ABHD2: variants seen among roughly 807,000 people sequenced by gnomAD.
ABHD2 encodes monoacylglycerol lipase ABHD2.
A neutral mutation model predicts 48.1 loss-of-function variants in ABHD2; 20 were observed. The ratio of observed to expected loss-of-function variants is 0.42; its 90% confidence interval spans 0.29 to 0.60. ABHD2 has a LOEUF of 0.60. Ranked by LOEUF, ABHD2 falls within the 20% of genes least tolerant of loss-of-function variation. The pLI, the probability that ABHD2 is intolerant of heterozygous loss-of-function variation, is 0.24. For synonymous variants in ABHD2, 209 were observed against 214.2 expected (o/e 0.98, Z 0.21); for missense variants, 405 against 550.9 (o/e 0.74, Z 2.65).
In ABHD2 at chr15:89,120,341, C is replaced by G. The variant is rs1258602127; in HGVS notation, c.194+3820C>G. 6.6e-6 allele frequency among the ~76,000 whole-genome samples: 1 copy of G among 152,154 alleles called. No homozygotes were observed. Among genetic ancestry groups the G allele is most frequent in the African/African-American group, 2.4e-5 (1 of 41,434 alleles). On this transcript the variant is annotated intron_variant, in intron 3 of 10. Transcript: ENST00000352732. The surrounding 1 kb of genome is among the most constrained non-coding windows in gnomAD (Gnocchi z 4.2). The stretch of plus-strand genomic sequence containing the variant: ...AAGTGTTTACTTTTAGTGAAACAAG[C>G]AGACGCCCAGTTCGGAATTATGACA...
Position 89,088,956 on chromosome 15 carries a change from C to G in ABHD2, c.-107+393C>G, listed in dbSNP as rs977363049. Reference sequence around the variant, plus strand: ...ACCTGGAAGGAGAGGGCCGAGGGGCCTGATTACAGCCCGAGATACCCGAGA... The same window carrying G: ...ACCTGGAAGGAGAGGGCCGAGGGGCGTGATTACAGCCCGAGATACCCGAGA... On this transcript the variant is annotated intron_variant, in intron 1 of 10. Coordinates refer to ENST00000352732, the MANE Select transcript of ABHD2 (RefSeq NM_152924.5). The surrounding 1 kb of genome is among the most constrained non-coding windows in gnomAD (Gnocchi z 6.8). Among the ~76,000 whole-genome samples the G allele has an allele frequency of 6.6e-6, 1 of 152,228 alleles. No homozygotes were observed. Among genetic ancestry groups the G allele is most frequent in the Admixed American group, 6.5e-5 (1 of 15,292 alleles).
chr15:89,115,370 ATG>A lies in ABHD2; in HGVS notation c.-6-892_-6-891del, dbSNP rs1164718189. Among the ~76,000 whole-genome samples, 827 of 100,558 alleles carry A rather than the reference ATG, an allele frequency of 8.2e-3. 5 individuals are homozygous for A. The highest frequency in any genetic ancestry group is 0.02 in the African/African-American group (487 of 24,128). The allele number at this position is 100,558 out of a possible 152,430, so 66.0% of individuals were successfully genotyped here. A position where few individuals can be genotyped will look rare whatever the true frequency, so the allele number is the denominator to read the frequency against. On this transcript the variant is annotated intron_variant, in intron 2 of 10. Coordinates refer to ENST00000352732, the MANE Select transcript of ABHD2 (RefSeq NM_152924.5). ...TGTTTGGTTTTATATGTTTGGAGGT[ATG>A]TGTGTGTGTGTGTGTGTGTGTGTGT... is the stretch of plus-strand genomic sequence containing the variant.
At chr15:89,119,930 C>T (rs2050021340) in intron 3 of ABHD2, among the ~76,000 whole-genome samples, 1 of 152,202 alleles carries the variant, frequency 6.6e-6, no homozygotes, top group South Asian at 2.1e-4. Flanking sequence ...AGCCTGTCTG[C>T]AGCCTTCACA....
rs2051116955 is a variant in ABHD2, at chr15:89,181,621, ATTC to A, written c.723-3800_723-3798del. ...AAGACCACAGGAAAGCTGTTTCACT[ATTC>A]TTATAGTCTCTCAGCACTCTGAGAC... On this transcript the variant is annotated intron_variant, in intron 6 of 10. Transcript: ENST00000352732. 2.0e-5 allele frequency among the ~76,000 whole-genome samples: 3 copies of A among 152,300 alleles called. No individual in the cohort carries two copies. The South Asian group carries it at 6.2e-4, about 32-fold the overall frequency.
chr15:89,074,517 A>G, the ABHD2 span, among the ~76,000 whole-genome samples: 1 of 152,214 alleles, frequency 6.6e-6, no homozygotes, highest in Non-Finnish European at 1.5e-5. Context: ...CTAATGTGTC[A>G]CCAGGTGGAA....
At chr15:89,041,179 G>A in the ABHD2 span, 1 of 152,254 alleles carries the variant, frequency 6.6e-6, no homozygotes, top group African/African-American at 2.4e-5. Flanking sequence ...CCAGTGACGT[G>A]AGTGTGCCAT....
chr15:89,158,034 T>C (rs2050702516), intron 5 of ABHD2, among the ~76,000 whole-genome samples: 1 of 151,894 alleles, frequency 6.6e-6, no homozygotes, highest in South Asian at 2.1e-4. Context: ...TCTATACAAG[T>C]AGAAGATGGG....
intron 6 of ABHD2, among the ~76,000 whole-genome samples, chr15:89,178,064 T>C (rs918352430): frequency 6.6e-6 from 1 of 152,234 alleles, no homozygotes. Context: ...AGCCTCTTCC[T>C]TGAGACCTCA....
At chr15:89,056,285 C>A in the ABHD2 span, among the ~76,000 whole-genome samples, 1 of 152,176 alleles carries the variant, frequency 6.6e-6, no homozygotes, top group Non-Finnish European at 1.5e-5. Context: ...ATATTGCTCA[C>A]CTCAGGAGAT....
In ABHD2 at chr15:89,201,676, A is replaced by C; in HGVS notation, c.*6253A>C. ...ACTTTGAAACACACTTTTCTATCCG[A>C]TGGATTTCGCAATTTAAGATTTGTA... On this transcript the variant is annotated 3_prime_UTR_variant, in exon 11 of 11. Transcript: ENST00000352732. 1 of 1,608,576 alleles carries C rather than the reference A, an allele frequency of 6.2e-7. No individual in the cohort carries two copies. Among genetic ancestry groups the C allele is most frequent in the Non-Finnish European group, 8.5e-7 (1 of 1,174,946 alleles).
chr15:89,172,275 A>C (rs1330375145), intron 5 of ABHD2, among the ~76,000 whole-genome samples: 1 of 152,202 alleles, frequency 6.6e-6, no homozygotes, highest in African/African-American at 2.4e-5. Context: ...AACTATACCC[A>C]TTAAACAACA....
At position 89,164,946 on chromosome 15, in the gene ABHD2, T is replaced by C. The variant is rs1325499627; in HGVS notation, c.538+9412T>C. On this transcript the variant is annotated intron_variant, in intron 5 of 10. Transcript: ENST00000352732. This position sits in a 1 kb window ranked among gnomAD's most constrained non-coding sequence, Gnocchi z 5.0. ...CATTTACTTGAACTGTTAAATGACC[T>C]TACCTCTGCATCCAGTTCATACAGT... 6.6e-6 allele frequency among the ~76,000 whole-genome samples: 1 copy of C among 152,250 alleles called. No individual in the cohort carries two copies. Among genetic ancestry groups the C allele is most frequent in the African/African-American group, 2.4e-5 (1 of 41,474 alleles).
rs888086247 is a variant in ABHD2, at chr15:89,100,427, A to G, written c.-107+11864A>G. On this transcript the variant is annotated intron_variant, in intron 1 of 10. Coordinates refer to ENST00000352732, the MANE Select transcript of ABHD2 (RefSeq NM_152924.5). The surrounding 1 kb of genome is among the most constrained non-coding windows in gnomAD (Gnocchi z 4.4). ...GCCCGAAGCCACACAACTAGTAAGTAGTGTAGCTGCAGTTCAGGTCAAATC... is the reference window on the plus strand; with the variant it reads ...GCCCGAAGCCACACAACTAGTAAGTGGTGTAGCTGCAGTTCAGGTCAAATC... 2.8e-4 allele frequency among the ~76,000 whole-genome samples: 43 copies of G among 152,136 alleles called. 1 individual carries two copies. Among genetic ancestry groups the G allele is most frequent in the Non-Finnish European group, 4.4e-5 (3 of 68,030 alleles).
At chr15:89,150,955 A>G (rs777598945) in intron 3 of ABHD2, among the ~76,000 whole-genome samples, 15 of 152,194 alleles carry the variant, frequency 9.9e-5, no homozygotes, top group Admixed American at 1.3e-4. Flanking sequence ...CTGGTAATTA[A>G]CTATTTGTGA....
the ABHD2 span, among the ~76,000 whole-genome samples, chr15:89,072,407 C>A: frequency 6.6e-6 from 1 of 151,696 alleles, no homozygotes; most frequent in East Asian, 1.9e-4. Flanking sequence ...ACCCAGGAGG[C>A]AGAAGTTGCA....
intron 3 of ABHD2, among the ~76,000 whole-genome samples, chr15:89,148,989 A>G (rs1330064580): frequency 6.6e-6 from 1 of 152,178 alleles, no homozygotes; most frequent in East Asian, 1.9e-4. Context: ...GTCTGTGGAT[A>G]AGTTATATAA....
intron 1 of ABHD2, among the ~76,000 whole-genome samples, chr15:89,111,431 G>A (rs1489737525): frequency 2.6e-5 from 4 of 152,180 alleles, no homozygotes; most frequent in Admixed American, 2.6e-4. Flanking sequence ...CCTGAGATAG[G>A]CAGTCTAGAT....
the ABHD2 span, among the ~76,000 whole-genome samples, chr15:89,042,086 T>C: frequency 1.3e-5 from 2 of 152,202 alleles, no homozygotes; most frequent in Non-Finnish European, 2.9e-5. Flanking sequence ...TTTATACTTC[T>C]AAACTTCTAA....
chr15:89,139,145 A>G (rs2050364040), intron 3 of ABHD2, among the ~76,000 whole-genome samples: 1 of 152,188 alleles, frequency 6.6e-6, no homozygotes, highest in Non-Finnish European at 1.5e-5. Flanking sequence ...TGGGAGGTTA[A>G]AGCTGCAGTG....
Sources: gnomAD v4.1 joint callset for allele counts (sites outside exome capture counted in the v4.1 genomes callset) on GRCh38, gnomAD v4.1.1 for gene constraint, Gnocchi (gnomAD v3.1) non-coding constraint, MANE v1.5 for transcripts, NCBI Gene and HGNC (gene_info 2026-07-23, HGNC 2026-07-21) for gene names.